The following LRRC7 variants were observed in gnomAD, a reference collection of about 807,000 sequenced individuals.
LRRC7 encodes the protein leucine-rich repeat-containing protein 7.
Under a neutral mutation model 175.7 loss-of-function variants are expected in LRRC7, and 23 were observed. That is an observed-to-expected ratio of 0.13 (90% CI 0.09 to 0.19). LRRC7 has a LOEUF of 0.19. Among genes scored for constraint, LRRC7 ranks in the 10% least tolerant of loss-of-function variants. The pLI, the probability that LRRC7 is intolerant of heterozygous loss-of-function variation, is 1.00. For missense variants in LRRC7, 1,354 were observed against 1,904.7 expected (o/e 0.71, Z 5.38); for synonymous variants, 685 against 680.9 (o/e 1.01, Z -0.09).
rs1196348558 is a variant in LRRC7 at position 70,130,678 on chromosome 1, C to T, written c.*8791C>T. ...GTGGCTTTTATTTAATTGGAGCACACCATATCTATCCTTTTGATTTGATTG... is the reference window on the plus strand; with the variant it reads ...GTGGCTTTTATTTAATTGGAGCACATCATATCTATCCTTTTGATTTGATTG... On this transcript the variant is annotated 3_prime_UTR_variant, in exon 27 of 27. Coordinates refer to ENST00000651989, the MANE Select transcript of LRRC7 (RefSeq NM_001370785.2). 6.6e-6 allele frequency among the ~76,000 whole-genome samples: 1 copy of T among 152,178 alleles called. No individual in the cohort carries two copies. The highest frequency in any genetic ancestry group is 2.4e-5 in the African/African-American group (1 of 41,434).
chr1:69,754,608 T>G (rs1670202146), intron 2 of LRRC7, among the ~76,000 whole-genome samples: 1 of 151,984 alleles, frequency 6.6e-6, no homozygotes, highest in African/African-American at 2.4e-5. Flanking sequence ...TTCTAGTATT[T>G]TACAGATGAG....
chr1:70,081,192 C>T (rs1391676361), intron 24 of LRRC7, among the ~76,000 whole-genome samples: 1 of 152,148 alleles, frequency 6.6e-6, no homozygotes, highest in Non-Finnish European at 1.5e-5. Flanking sequence ...TGTTCTATAG[C>T]TCAACAATTT....
Position 70,038,694 on chromosome 1 carries a change from C to T in LRRC7, c.2870C>T (p.Ser957Phe). Residue 957 changes from serine to phenylalanine, a missense_variant, in exon 21 of 27, where the codon TCT (serine) becomes TTT (phenylalanine). By Grantham distance (155) the Ser-to-Phe change is radical. This residue lies in a region of LRRC7 where 1,032 missense variants were observed against 1,227.2 expected (regional missense o/e 0.84). Coordinates refer to ENST00000651989, the MANE Select transcript of LRRC7 (RefSeq NM_001370785.2). The stretch of plus-strand genomic sequence containing the variant: ...CAAATCCACTGCCGCCCGGAATCTT[C>T]TAAAGGTGTTATTTCAATTAGCAAA... ...FSQIHCRPES[S>F]KGVISISKST... is the part of the protein sequence containing the mutation. The T allele has an allele frequency of 6.2e-7, 1 of 1,614,102 alleles. No individual in the cohort carries two copies. Among genetic ancestry groups the T allele is most frequent in the Non-Finnish European group, 8.5e-7 (1 of 1,180,012 alleles).
rs756429296 is a variant in LRRC7, at chr1:70,038,786, A to T, written c.2962A>T (p.Ile988Phe). Residue 988 changes from isoleucine to phenylalanine, a missense_variant, in exon 21 of 27, where the codon ATC becomes TTC. By Grantham distance (21) the Ile-to-Phe change is conservative. Coordinates refer to ENST00000651989, the MANE Select transcript of LRRC7 (RefSeq NM_001370785.2). ...KSNKFKKSQS[I>F]DEIDIGTYKV... Reference sequence around the variant, plus strand: ...TAATAAATTCAAAAAGTCACAGAGTATCGATGAGATTGACATTGGTACATA... The same window carrying T: ...TAATAAATTCAAAAAGTCACAGAGTTTCGATGAGATTGACATTGGTACATA... 6.2e-7 allele frequency: 1 copy of T among 1,613,980 alleles called. No homozygotes were observed. Among genetic ancestry groups the T allele is most frequent in the Non-Finnish European group, 8.5e-7 (1 of 1,180,014 alleles).
At chr1:69,705,005 C>G (rs537009747) in intron 2 of LRRC7, among the ~76,000 whole-genome samples, 5 of 152,098 alleles carry the variant, frequency 3.3e-5, no homozygotes, top group Admixed American at 2.0e-4. Context: ...TTTAAAACAC[C>G]ATTTATAGAT....
Position 70,128,689 on chromosome 1 carries a change from A to G in LRRC7, c.*6802A>G, listed in dbSNP as rs963916771. 2 of 152,340 alleles carry G rather than the reference A, an allele frequency of 1.3e-5. No individual in the cohort carries two copies. Among genetic ancestry groups the G allele is most frequent in the South Asian group, 2.1e-4 (1 of 4,830 alleles). The allele number at this position is 152,340 out of a possible 1,614,324, so 9.4% of individuals were successfully genotyped here. On this transcript the variant is annotated 3_prime_UTR_variant, in exon 27 of 27. Coordinates refer to ENST00000651989, the MANE Select transcript of LRRC7 (RefSeq NM_001370785.2). ...TAAATATTTGTTGGGCATCAACTAC[A>G]TATCAGGTACTATGAGGGATGTAAT... is the stretch of plus-strand genomic sequence containing the variant.
intron 8 of LRRC7, among the ~76,000 whole-genome samples, chr1:69,967,942 A>T (rs1241458852): frequency 6.6e-6 from 1 of 152,142 alleles, no homozygotes; most frequent in Non-Finnish European, 1.5e-5. Context: ...AATGGATCCA[A>T]ACCAAGATGA....
At chr1:69,753,325 T>G (rs1670054050) in intron 2 of LRRC7, among the ~76,000 whole-genome samples, 1 of 150,926 alleles carries the variant, frequency 6.6e-6, no homozygotes, top group South Asian at 2.1e-4. Flanking sequence ...TGTGTGTGTG[T>G]TAGAACTACT....
At chr1:70,118,447 A>G (rs1244292458) in intron 26 of LRRC7, among the ~76,000 whole-genome samples, 2 of 152,172 alleles carry the variant, frequency 1.3e-5, no homozygotes, top group East Asian at 3.8e-4. Flanking sequence ...TGTGATAGAA[A>G]TCTGAATGGG....
chr1:69,991,939 ACTC>A (rs1301993271), intron 10 of LRRC7, among the ~76,000 whole-genome samples: 1 of 152,088 alleles, frequency 6.6e-6, no homozygotes, highest in Non-Finnish European at 1.5e-5. Context: ...TAGCAGAGAA[ACTC>A]AATAAAGAAA....
rs558405853 is a variant in LRRC7, at chr1:69,939,019, A to C, written c.711+7449A>C. Among the ~76,000 whole-genome samples the C allele has an allele frequency of 5.4e-5, 6 of 110,768 alleles. 1 individual carries two copies. The highest frequency in any genetic ancestry group is 5.2e-4 in the South Asian group (2 of 3,846). The allele number at this position is 110,768 out of a possible 152,430, so 72.7% of individuals were successfully genotyped here. A position where few individuals can be genotyped will look rare whatever the true frequency, so the allele number is the denominator to read the frequency against. On this transcript the variant is annotated intron_variant, in intron 8 of 26. Coordinates refer to ENST00000651989, the MANE Select transcript of LRRC7 (RefSeq NM_001370785.2). ...ATTATATATATATATATATATCTATATATATATATATCTATATATATCTAT... is the reference window on the plus strand; with the variant it reads ...ATTATATATATATATATATATCTATCTATATATATATCTATATATATCTAT...
chr1:70,021,362 G>A, intron 16 of LRRC7: 2 of 337,726 alleles, frequency 5.9e-6, no homozygotes, highest in East Asian at 6.0e-5. Context: ...CAGAATAACT[G>A]CATGAGAGAG....
intron 1 of LRRC7, among the ~76,000 whole-genome samples, chr1:69,644,378 G>A (rs541647248): frequency 6.6e-6 from 1 of 152,006 alleles, no homozygotes; most frequent in South Asian, 2.1e-4. Flanking sequence ...TCTTCCTGAT[G>A]AATTATCCTG....
chr1:70,069,818 T>G (rs1410274816), intron 23 of LRRC7, among the ~76,000 whole-genome samples: 1 of 152,200 alleles, frequency 6.6e-6, no homozygotes, highest in African/African-American at 2.4e-5. Context: ...TTATTCAGAT[T>G]GAATAATTTA....
chr1:69,937,303 G>A (rs900529310), intron 8 of LRRC7, among the ~76,000 whole-genome samples: 1 of 151,870 alleles, frequency 6.6e-6, no homozygotes, highest in African/African-American at 2.4e-5. Context: ...CATTAGCTTT[G>A]TATAGATATT....
intron 1 of LRRC7, among the ~76,000 whole-genome samples, chr1:69,600,310 A>G (rs934151161): frequency 3.3e-5 from 5 of 152,168 alleles, no homozygotes; most frequent in Non-Finnish European, 5.9e-5. Flanking sequence ...CCAGAGAATC[A>G]TCCAGGATAT....
intron 3 of LRRC7, among the ~76,000 whole-genome samples, chr1:69,761,664 T>C (rs1671051503): frequency 1.3e-5 from 2 of 151,928 alleles, no homozygotes; most frequent in South Asian, 4.2e-4. Flanking sequence ...CACACTAGGA[T>C]TGCACATCAA....
chr1:69,772,206 G>T (rs1230686273), intron 3 of LRRC7, among the ~76,000 whole-genome samples: 3 of 152,104 alleles, frequency 2.0e-5, no homozygotes, highest in Non-Finnish European at 4.4e-5. Context: ...GGTGGAAAGT[G>T]CAGTAAATGC....
Position 70,130,824 on chromosome 1 carries a change from C to T in LRRC7, c.*8937C>T, listed in dbSNP as rs1157056788. On this transcript the variant is annotated 3_prime_UTR_variant, in exon 27 of 27. Transcript: ENST00000651989. ...AGATGTCATGAGAGAGACGAGGCTA[C>T]GGAAGTGTAGTTGAGAGAAAGGGGT... 2.0e-5 allele frequency among the ~76,000 whole-genome samples: 3 copies of T among 152,090 alleles called. No homozygotes were observed. Among genetic ancestry groups the T allele is most frequent in the Admixed American group, 1.3e-4 (2 of 15,270 alleles).
Sources: allele counts gnomAD v4.1 joint callset (sites outside exome capture counted in the v4.1 genomes callset), GRCh38; gene constraint gnomAD v4.1.1; regional missense constraint gnomAD v4.1.1; transcripts MANE v1.5; gene names NCBI Gene and HGNC (gene_info 2026-07-23, HGNC 2026-07-21).